The following PCDHA4 variants were observed in gnomAD, a reference collection of about 807,000 sequenced individuals.
The protein encoded by PCDHA4 is protocadherin alpha-4.
Under a neutral mutation model 61.4 loss-of-function variants are expected in PCDHA4, and 49 were observed. The ratio of observed to expected loss-of-function variants is 0.80; its 90% CI spans 0.63 to 1.01. The LOEUF (loss-of-function observed/expected upper bound fraction) is 1.01, where lower values mean the gene tolerates loss of function less well. Ranked by LOEUF, PCDHA4 falls within the 50% of genes least tolerant of loss-of-function variation. PCDHA4 has a pLI of 0.00. For missense variants in PCDHA4, 1,254 were observed against 1,235.8 expected, an observed-to-expected ratio of 1.01 and a Z score of -0.22; for synonymous variants, 590 against 550.3, an observed-to-expected ratio of 1.07 and a Z score of -1.01.
At chr5:140,830,050 C>T in intron 1 of PCDHA4, 1 of 1,613,786 alleles carries the variant, frequency 6.2e-7, no homozygotes, top group Non-Finnish European at 8.5e-7. Flanking sequence ...TGGTGAAAGA[C>T]CACGGTGAGC....
intron 1 of PCDHA4, chr5:140,871,406 T>A: frequency 6.2e-7 from 1 of 1,614,032 alleles, no homozygotes; most frequent in African/African-American, 1.3e-5. Context: ...AAGACGGACC[T>A]CATGGCCTTC....
chr5:140,986,238 A>G (rs1358537911), intron 3 of PCDHA4, among the ~76,000 whole-genome samples: 1 of 152,152 alleles, frequency 6.6e-6, no homozygotes. Context: ...CCTCTGTGTG[A>G]GCAGACCCGG....
At chr5:140,914,116 A>T (rs2076611706) in intron 1 of PCDHA4, among the ~76,000 whole-genome samples, 1 of 152,128 alleles carries the variant, frequency 6.6e-6, no homozygotes. Flanking sequence ...ATTAAGTCTG[A>T]TGTTTCTTTG....
intron 1 of PCDHA4, chr5:140,862,740 G>A: frequency 1.7e-6 from 1 of 577,772 alleles, no homozygotes; most frequent in South Asian, 1.4e-5. Flanking sequence ...GCTATGTGTG[G>A]GTGCACGCGG....
At chr5:140,911,518 T>C (rs531265598) in intron 1 of PCDHA4, among the ~76,000 whole-genome samples, 1 of 152,346 alleles carries the variant, frequency 6.6e-6, no homozygotes, top group East Asian at 1.9e-4. Flanking sequence ...TATCTGCTTC[T>C]GAAGCTAGGA....
intron 1 of PCDHA4, chr5:140,969,195 A>G: frequency 6.2e-7 from 1 of 1,614,158 alleles, no homozygotes; most frequent in Non-Finnish European, 8.5e-7. Flanking sequence ...ATGTTTTACA[A>G]TACAGGGGCC....
chr5:140,899,833 G>T (rs2067579431), intron 1 of PCDHA4, among the ~76,000 whole-genome samples: 1 of 152,094 alleles, frequency 6.6e-6, no homozygotes, highest in African/African-American at 2.4e-5. Flanking sequence ...TTTTGAGACA[G>T]GTCTTGCTGT....
In PCDHA4 at chr5:140,807,630, T is replaced by C. The variant is rs1763993145; in HGVS notation, c.443T>C (p.Leu148Pro). 6.2e-7 allele frequency: 1 copy of C among 1,614,088 alleles called. No individual in the cohort carries two copies. Among genetic ancestry groups the C allele is most frequent in the African/African-American group, 1.3e-5 (1 of 74,920 alleles). ...CTGTCCATCGCGGAATCCAGGCCGCTTGACTCTCGGTTTCCACTAGAGGGC... is the reference window on the plus strand; with the variant it reads ...CTGTCCATCGCGGAATCCAGGCCGCCTGACTCTCGGTTTCCACTAGAGGGC... ...KNLSIAESRP[L>P]DSRFPLEGAS... is the part of the protein sequence containing the mutation. The change falls in exon 1 of 4, where the codon CTT becomes CCT. Residue 148 changes from leucine to proline, a missense_variant. Leu to Pro is a moderately conservative substitution (Grantham distance 98, BLOSUM62 -3). Coordinates refer to ENST00000530339, the MANE Select transcript of PCDHA4 (RefSeq NM_018907.4).
Position 140,949,482 on chromosome 5 carries a change from A to G in PCDHA4, c.2386-29467A>G, listed in dbSNP as rs1435722195. Among the ~76,000 whole-genome samples, 4 of 151,834 alleles carry G rather than the reference A, an allele frequency of 2.6e-5. No homozygotes were observed. The South Asian group carries it at 8.3e-4, about 31-fold the overall frequency. ...TGAAGCCCTGTTATTAGGCACACACATTGATGATTATTATAATTTCCTGAT... is the reference window on the plus strand; with the variant it reads ...TGAAGCCCTGTTATTAGGCACACACGTTGATGATTATTATAATTTCCTGAT... On this transcript the variant is annotated intron_variant, in intron 1 of 3. Transcript: ENST00000530339.
In PCDHA4 at chr5:140,979,026, A is replaced by AT. The variant is rs2096832382; in HGVS notation, c.2444+21dup. On this transcript the variant is annotated intron_variant, in intron 2 of 3. Coordinates refer to ENST00000530339, the MANE Select transcript of PCDHA4 (RefSeq NM_018907.4). ...TGCACAGGTATGTATTTCCCTCCTC[A>AT]TTCACTCAGAAGTAACCTTAACTTG... 1 of 1,613,372 alleles carries AT rather than the reference A, an allele frequency of 6.2e-7. No homozygotes were observed. The highest frequency in any genetic ancestry group is 1.3e-5 in the African/African-American group (1 of 74,882).
At chr5:140,838,842 A>G (rs1775908349) in intron 1 of PCDHA4, among the ~76,000 whole-genome samples, 1 of 151,970 alleles carries the variant, frequency 6.6e-6, no homozygotes. Flanking sequence ...GGATCACTTA[A>G]GCCAGGGAGG....
intron 1 of PCDHA4, among the ~76,000 whole-genome samples, chr5:140,972,812 C>T (rs782305867): frequency 5.3e-5 from 8 of 151,914 alleles, no homozygotes; most frequent in East Asian, 3.9e-4. Context: ...TACAGGCACG[C>T]GCCACCACGC....
At chr5:140,834,279 T>C in intron 1 of PCDHA4, 4 of 1,100,284 alleles carry the variant, frequency 3.6e-6, no homozygotes, top group Non-Finnish European at 5.3e-6. Context: ...ACTCTTTGGA[T>C]GCACAACAAT....
intron 1 of PCDHA4, chr5:140,842,646 C>T: frequency 6.3e-7 from 1 of 1,595,360 alleles, no homozygotes; most frequent in Non-Finnish European, 8.6e-7. Flanking sequence ...GCCAGCTTGT[C>T]TGTGGAGGTG....
In PCDHA4 at chr5:141,006,613, A is replaced by G. The variant is rs543043401; in HGVS notation, c.2534-3014A>G. 2.0e-5 allele frequency among the ~76,000 whole-genome samples: 3 copies of G among 152,308 alleles called. No individual in the cohort carries two copies. In the South Asian group the frequency reaches 6.2e-4, roughly 32 times the overall value. Reference sequence around the variant, plus strand: ...AGCAAAAGTGGAAGCAGACTGAATAAGGAGACTATTGCTGCAATTCATATA... The same window carrying G: ...AGCAAAAGTGGAAGCAGACTGAATAGGGAGACTATTGCTGCAATTCATATA... On this transcript the variant is annotated intron_variant, in intron 3 of 3. Coordinates refer to ENST00000530339, the MANE Select transcript of PCDHA4 (RefSeq NM_018907.4).
At chr5:140,942,619 T>A in intron 1 of PCDHA4, among the ~76,000 whole-genome samples, 1 of 148,900 alleles carries the variant, frequency 6.7e-6, no homozygotes. Context: ...TTGCCAATTG[T>A]AAAAAAAAAA....
At chr5:140,924,416 T>G (rs1283567998) in intron 1 of PCDHA4, among the ~76,000 whole-genome samples, 1 of 152,192 alleles carries the variant, frequency 6.6e-6, no homozygotes, top group African/African-American at 2.4e-5. Context: ...CAGTGTGCCC[T>G]TTCTAGTTCC....
chr5:140,824,632 TA>T lies in PCDHA4; in HGVS notation c.2385+15061del, dbSNP rs1368126931. 1,053 of 118,568 alleles carry T rather than the reference TA, an allele frequency of 8.9e-3. 203 individuals carry two copies. The highest frequency in any genetic ancestry group is 0.034 in the African/African-American group (833 of 24,828). 7.3% of individuals were successfully genotyped at this position (118,568 alleles called of 1,614,324 possible). A position where few individuals can be genotyped will look rare whatever the true frequency, so the allele number is the denominator to read the frequency against. ...AAAGTTTTTTTTTTTTTTTTTTTTT[TA>T]TTTTCTGTAGAGATAGGGGTCTTGC... On this transcript the variant is annotated intron_variant, in intron 1 of 3. Transcript: ENST00000530339.
At chr5:140,862,216 T>C in intron 1 of PCDHA4, 1 of 205,622 alleles carries the variant, frequency 4.9e-6, no homozygotes, top group Non-Finnish European at 9.9e-6. Flanking sequence ...TGCACAGACT[T>C]GATAGAAGTC....
Sources: allele counts gnomAD v4.1 joint callset (sites outside exome capture counted in the v4.1 genomes callset), GRCh38; gene constraint gnomAD v4.1.1; transcripts MANE v1.5; gene names NCBI Gene and HGNC (gene_info 2026-07-23, HGNC 2026-07-21).